Variants in IMMP2L observed in about 807,000 individuals in gnomAD.
IMMP2L encodes inner mitochondrial membrane peptidase subunit 2.
A neutral mutation model predicts 19.3 loss-of-function variants in IMMP2L; 18 were observed. The observed-to-expected ratio is 0.93, with a 90% CI of 0.64 to 1.38. IMMP2L has a LOEUF of 1.38. Ranked by LOEUF, IMMP2L falls within the 40% of genes most tolerant of loss-of-function variation. IMMP2L has a pLI of 0.00. For synonymous variants in IMMP2L, 76 were observed against 73.0 expected (o/e 1.04, Z -0.21); for missense variants, 233 against 218.2 (o/e 1.07, Z -0.43).
intron 3 of IMMP2L, among the ~76,000 whole-genome samples, chr7:111,048,667 G>A (rs1288504666): frequency 2.0e-5 from 3 of 152,112 alleles, no homozygotes; most frequent in Admixed American, 6.6e-5. Context: ...ATACTATAAT[G>A]CTAGGTACAT....
At chr7:110,926,218 C>T (rs1030367729) in intron 4 of IMMP2L, among the ~76,000 whole-genome samples, 16 of 151,898 alleles carry the variant, frequency 1.1e-4, no homozygotes, top group African/African-American at 3.4e-4. Flanking sequence ...TGAGAAAATT[C>T]CTTTATCCCT....
intron 3 of IMMP2L, among the ~76,000 whole-genome samples, chr7:110,983,502 T>G (rs1821524648): frequency 6.6e-6 from 1 of 152,072 alleles, no homozygotes; most frequent in Non-Finnish European, 1.5e-5. Flanking sequence ...TGCCAGAATC[T>G]AAAATTGTAA....
chr7:110,957,865 C>A (rs542559939), intron 4 of IMMP2L, among the ~76,000 whole-genome samples: 2 of 152,076 alleles, frequency 1.3e-5, no homozygotes, highest in African/African-American at 4.8e-5. Flanking sequence ...CTCTCTACCC[C>A]CTTTTCTGCT....
intron 3 of IMMP2L, among the ~76,000 whole-genome samples, chr7:111,446,012 G>C (rs572583514): frequency 2.0e-5 from 3 of 151,794 alleles, no homozygotes; most frequent in East Asian, 3.9e-4. Flanking sequence ...CTTAAGAAAC[G>C]GCGCACCACG....
At chr7:111,326,396 A>G (rs544690059) in intron 3 of IMMP2L, among the ~76,000 whole-genome samples, 2 of 151,852 alleles carry the variant, frequency 1.3e-5, no homozygotes, top group Non-Finnish European at 2.9e-5. Context: ...TAAAGTTACA[A>G]TAATTCCAAA....
chr7:111,285,984 G>T (rs1820437801), intron 3 of IMMP2L, among the ~76,000 whole-genome samples: 1 of 152,166 alleles, frequency 6.6e-6, no homozygotes, highest in South Asian at 2.1e-4. Flanking sequence ...AACCAAGGAA[G>T]AAGGTTCAAT....
chr7:111,151,543 A>C (rs1280844822), intron 3 of IMMP2L, among the ~76,000 whole-genome samples: 1 of 152,168 alleles, frequency 6.6e-6, no homozygotes, highest in Non-Finnish European at 1.5e-5. Flanking sequence ...CAAATGTAAA[A>C]TGTGGACCTC....
intron 4 of IMMP2L, among the ~76,000 whole-genome samples, chr7:110,905,787 T>C (rs1812385544): frequency 6.6e-6 from 1 of 152,184 alleles, no homozygotes; most frequent in Admixed American, 6.5e-5. Context: ...AGTTGTCAGC[T>C]TGATTTTTTT....
intron 3 of IMMP2L, among the ~76,000 whole-genome samples, chr7:111,101,316 CT>C (rs1797951042): frequency 6.6e-6 from 1 of 151,342 alleles, no homozygotes; most frequent in African/African-American, 2.4e-5. Flanking sequence ...CCTTGGCATA[CT>C]GATAAGCGAT....
At chr7:110,963,827 C>A (rs2129555623) in intron 3 of IMMP2L, among the ~76,000 whole-genome samples, 1 of 152,062 alleles carries the variant, frequency 6.6e-6, no homozygotes, top group Admixed American at 6.6e-5. Context: ...AAAACATTTT[C>A]TTATTAAGGA....
intron 5 of IMMP2L, among the ~76,000 whole-genome samples, chr7:110,838,514 T>G (rs1416684373): frequency 6.6e-6 from 1 of 152,024 alleles, no homozygotes; most frequent in African/African-American, 2.4e-5. Flanking sequence ...CTCTCATGAA[T>G]GGACTAATCT....
At chr7:111,545,439 G>T (rs1333586173) in intron 1 of IMMP2L, among the ~76,000 whole-genome samples, 3 of 152,124 alleles carry the variant, frequency 2.0e-5, no homozygotes, top group African/African-American at 7.2e-5. Context: ...TCACCCAGCT[G>T]GAGTGCAGCG....
rs902801298 is a variant in IMMP2L, at chr7:111,212,716, A to T, written c.240-249151T>A. Among the ~76,000 whole-genome samples, 8 of 152,286 alleles carry T rather than the reference A, an allele frequency of 5.3e-5. No individual in the cohort carries two copies. The East Asian group carries it at 9.6e-4, about 18-fold the overall frequency. ...ATGGATGAATAAAATGATGTTAAAAACTCAATTTAAAAAATAATTGTTACA... is the reference window on the plus strand; with the variant it reads ...ATGGATGAATAAAATGATGTTAAAATCTCAATTTAAAAAATAATTGTTACA... On this transcript the variant is annotated intron_variant, in intron 3 of 5. Coordinates refer to ENST00000405709, the MANE Select transcript of IMMP2L (RefSeq NM_032549.4).
At chr7:111,310,183 C>T (rs1315903287) in intron 3 of IMMP2L, among the ~76,000 whole-genome samples, 1 of 149,788 alleles carries the variant, frequency 6.7e-6, no homozygotes, top group South Asian at 2.1e-4. Flanking sequence ...TGCAGTGAGT[C>T]GAGATCACCA....
chr7:110,960,875 A>G (rs950857919), intron 4 of IMMP2L, among the ~76,000 whole-genome samples: 3 of 151,966 alleles, frequency 2.0e-5, no homozygotes, highest in Non-Finnish European at 4.4e-5. Flanking sequence ...TGTGCAAATG[A>G]TCTGAACAGT....
chr7:110,663,455 T>C lies in IMMP2L; in HGVS notation c.*147A>G, dbSNP rs931540639. On this transcript the variant is annotated 3_prime_UTR_variant, in exon 6 of 6. Coordinates refer to ENST00000405709, the MANE Select transcript of IMMP2L (RefSeq NM_032549.4). ...GTTTAACATTTGAAAATTATTTATT[T>C]AATAATACAGATCGTTTTAATGTGC... 9 of 627,016 alleles carry C rather than the reference T, an allele frequency of 1.4e-5. No homozygotes were observed. The highest frequency in any genetic ancestry group is 6.2e-5 in the South Asian group (3 of 48,518). 38.8% of individuals were successfully genotyped at this position (627,016 alleles called of 1,614,324 possible).
At chr7:111,331,266 C>T (rs1371641631) in intron 3 of IMMP2L, among the ~76,000 whole-genome samples, 1 of 151,882 alleles carries the variant, frequency 6.6e-6, no homozygotes, top group East Asian at 1.9e-4. Context: ...AGGATTCTGT[C>T]ATTTGTAGCA....
At chr7:111,194,537 T>C (rs765925204) in intron 3 of IMMP2L, among the ~76,000 whole-genome samples, 1 of 152,158 alleles carries the variant, frequency 6.6e-6, no homozygotes, top group African/African-American at 2.4e-5. Flanking sequence ...GCTTCAACAG[T>C]GTTAAGAACC....
At chr7:110,950,433 G>T (rs1191693480) in intron 4 of IMMP2L, among the ~76,000 whole-genome samples, 1 of 151,940 alleles carries the variant, frequency 6.6e-6, no homozygotes, top group African/African-American at 2.4e-5. Flanking sequence ...AAGAAGAAAA[G>T]GATATACTGT....
Sources: allele counts gnomAD v4.1 joint callset (sites outside exome capture counted in the v4.1 genomes callset), GRCh38; gene constraint gnomAD v4.1.1; transcripts MANE v1.5; gene names NCBI Gene and HGNC (gene_info 2026-07-23, HGNC 2026-07-21).